IL1RAPL1: variants seen among roughly 807,000 people sequenced by gnomAD.
IL1RAPL1 encodes the protein interleukin-1 receptor accessory protein-like 1.
A neutral mutation model predicts 48.4 loss-of-function variants in IL1RAPL1; 3 were observed. The ratio of observed to expected loss-of-function variants is 0.06; its 90% CI spans 0.03 to 0.16. IL1RAPL1 has a LOEUF of 0.16. Among genes scored for constraint, IL1RAPL1 ranks in the 10% least tolerant of loss-of-function variants. The pLI, the probability that IL1RAPL1 is intolerant of heterozygous loss-of-function variation, is 1.00. For synonymous variants in IL1RAPL1, 185 were observed against 187.7 expected (o/e 0.99, Z 0.12); for missense variants, 349 against 530.6 (o/e 0.66, Z 3.36).
intron 6 of IL1RAPL1, among the ~76,000 whole-genome samples, chrX:29,688,012 A>G (rs1310015413): frequency 8.9e-6 from 1 of 111,869 alleles, no homozygotes; most frequent in Non-Finnish European, 1.9e-5. Flanking sequence ...GGAAGCTTGT[A>G]TGACAGGACA....
chrX:28,624,857 A>G (rs1214344905), intron 1 of IL1RAPL1, among the ~76,000 whole-genome samples: 1 of 111,947 alleles, frequency 8.9e-6, no homozygotes, highest in Admixed American at 9.5e-5. Flanking sequence ...AAATATGAAT[A>G]CCCTATTTAA....
At chrX:29,183,352 A>G (rs781309900) in intron 2 of IL1RAPL1, among the ~76,000 whole-genome samples, 48 of 111,659 alleles carry the variant, frequency 4.3e-4, no homozygotes, top group Non-Finnish European at 8.1e-4. Flanking sequence ...TCAAACTTGC[A>G]TCCCTCCAAT....
Position 29,702,537 on chromosome X carries a change from G to A in IL1RAPL1, c.778+34033G>A, listed in dbSNP as rs1000394251. On this transcript the variant is annotated intron_variant, in intron 6 of 10. Coordinates refer to ENST00000378993, the MANE Select transcript of IL1RAPL1 (RefSeq NM_014271.4). ...TTCCTAAGTGTGGATATGACAGGGCGGGGAAGCTGGTGGTCTAGGTGACCC... is the reference window on the plus strand; with the variant it reads ...TTCCTAAGTGTGGATATGACAGGGCAGGGAAGCTGGTGGTCTAGGTGACCC... 2.5e-4 allele frequency among the ~76,000 whole-genome samples: 28 copies of A among 112,036 alleles called. 1 individual carries two copies. Among genetic ancestry groups the A allele is most frequent in the South Asian group, 7.5e-4 (2 of 2,674 alleles).
chrX:29,781,176 C>T (rs969437916), intron 6 of IL1RAPL1, among the ~76,000 whole-genome samples: 1 of 112,009 alleles, frequency 8.9e-6, no homozygotes, highest in Non-Finnish European at 1.9e-5. Flanking sequence ...TAACAGCATA[C>T]GCATTCCAAC....
chrX:29,004,669 A>G (rs1051805307), intron 2 of IL1RAPL1, among the ~76,000 whole-genome samples: 5 of 111,903 alleles, frequency 4.5e-5, no homozygotes, highest in African/African-American at 9.8e-5. Flanking sequence ...TTCATCGGCT[A>G]TATACCAAAC....
At chrX:29,253,235 T>C (rs1931696879) in intron 2 of IL1RAPL1, among the ~76,000 whole-genome samples, 1 of 110,888 alleles carries the variant, frequency 9.0e-6, no homozygotes, top group Non-Finnish European at 1.9e-5. Context: ...AAATCAGTCA[T>C]GCTAGATGAT....
intron 6 of IL1RAPL1, among the ~76,000 whole-genome samples, chrX:29,816,879 C>A (rs1357911624): frequency 9.1e-6 from 1 of 109,954 alleles, no homozygotes; most frequent in African/African-American, 3.3e-5. Flanking sequence ...TCTGCAGTAG[C>A]CTCTATGTAA....
intron 6 of IL1RAPL1, among the ~76,000 whole-genome samples, chrX:29,800,001 T>C (rs1222807828): frequency 3.6e-5 from 4 of 111,881 alleles, no homozygotes; most frequent in Non-Finnish European, 7.5e-5. Context: ...AAATGTTTTG[T>C]AGGCCGTATC....
At chrX:29,698,729 GTGTT>G (rs1251071454) in intron 6 of IL1RAPL1, among the ~76,000 whole-genome samples, 8 of 112,360 alleles carry the variant, frequency 7.1e-5, no homozygotes, top group South Asian at 3.7e-4. Context: ...TGGTTTTGCA[GTGTT>G]TGTTTGTTTC....
intron 2 of IL1RAPL1, among the ~76,000 whole-genome samples, chrX:29,043,987 C>A (rs187436956): frequency 1.7e-3 from 195 of 111,529 alleles, no homozygotes; most frequent in Non-Finnish European, 3.2e-3. Flanking sequence ...TGCTGACAGA[C>A]GGCTCCCCTG....
chrX:28,734,457 G>T (rs888596487), intron 1 of IL1RAPL1, among the ~76,000 whole-genome samples: 1 of 110,382 alleles, frequency 9.1e-6, no homozygotes. Context: ...CTACCTTAAG[G>T]ATTTGCATTT....
chrX:29,057,281 C>CTTA (rs1325451529), intron 2 of IL1RAPL1, among the ~76,000 whole-genome samples: 1 of 111,441 alleles, frequency 9.0e-6, no homozygotes, highest in Non-Finnish European at 1.9e-5. Context: ...GTCTCCTGGG[C>CTTA]TTATACATTT....
intron 2 of IL1RAPL1, among the ~76,000 whole-genome samples, chrX:29,077,089 T>A (rs1367013850): frequency 1.8e-5 from 2 of 111,627 alleles, no homozygotes; most frequent in African/African-American, 6.5e-5. Context: ...CTAAAATAAA[T>A]TGGTAATTAT....
intron 5 of IL1RAPL1, among the ~76,000 whole-genome samples, chrX:29,459,484 A>C (rs1049066201): frequency 8.1e-5 from 9 of 111,317 alleles, no homozygotes; most frequent in Non-Finnish European, 1.1e-4. Flanking sequence ...GGTGTGTGGA[A>C]TAAATTAGAG....
intron 2 of IL1RAPL1, among the ~76,000 whole-genome samples, chrX:29,168,150 T>C (rs1929823620): frequency 9.0e-6 from 1 of 110,560 alleles, no homozygotes; most frequent in Admixed American, 9.8e-5. Context: ...AGGGTAATTA[T>C]ATACACCAAT....
At chrX:29,335,004 G>T (rs1402738409) in intron 3 of IL1RAPL1, among the ~76,000 whole-genome samples, 61 of 112,074 alleles carry the variant, frequency 5.4e-4, no homozygotes, top group African/African-American at 2.0e-3. Context: ...CTGAGTGAAC[G>T]AGACTCCGTC....
intron 1 of IL1RAPL1, among the ~76,000 whole-genome samples, chrX:28,688,430 G>A (rs1409996887): frequency 1.8e-5 from 2 of 110,935 alleles, no homozygotes; most frequent in Non-Finnish European, 3.8e-5. Context: ...TAGTAGTGTT[G>A]AACTCCTGGC....
chrX:29,507,374 T>C (rs866765621), intron 5 of IL1RAPL1, among the ~76,000 whole-genome samples: 3 of 165 alleles, frequency 0.018, no homozygotes, highest in Non-Finnish European at 0.033. Flanking sequence ...TCCCCTCCCT[T>C]CCCTCCCCTT....
intron 5 of IL1RAPL1, among the ~76,000 whole-genome samples, chrX:29,468,051 G>T (rs1212584567): frequency 1.8e-5 from 2 of 111,052 alleles, no homozygotes; most frequent in Non-Finnish European, 3.8e-5. Context: ...GTTAGAGACA[G>T]GGTTTCACTA....
Sources: gnomAD v4.1 joint callset for allele counts (sites outside exome capture counted in the v4.1 genomes callset) on GRCh38, gnomAD v4.1.1 for gene constraint, MANE v1.5 for transcripts, NCBI Gene and HGNC (gene_info 2026-07-23, HGNC 2026-07-21) for gene names.